Variants in AGO3 observed in about 807,000 individuals in gnomAD.
AGO3 encodes the protein argonaute RISC catalytic component 3.
AGO3 carries 16 observed loss-of-function variants against 105.5 expected under a neutral mutation model. The observed-to-expected ratio is 0.15, with a 90% confidence interval of 0.10 to 0.23. AGO3 has a LOEUF of 0.23. AGO3 is among the 10% of genes least tolerant of loss of function. AGO3 has a pLI of 1.00. For missense variants in AGO3, 534 were observed against 1,088.0 expected, an observed-to-expected ratio of 0.49 and a Z score of 7.16; for synonymous variants, 340 against 367.3, an observed-to-expected ratio of 0.93 and a Z score of 0.85.
rs930504027 is a variant in AGO3 at position 36,008,927 on chromosome 1, T to C, written c.912T>C (p.Thr304=). 8 of 1,613,742 alleles carry C rather than the reference T, an allele frequency of 5.0e-6. No homozygotes were observed. The highest frequency in any genetic ancestry group is 5.9e-6 in the Non-Finnish European group (7 of 1,180,030). ...CTTTACAGTTAGAAAACGGCCAAACTGTGGAGAGAACAGTAGCGCAGTATT... is the reference window on the plus strand; with the variant it reads ...CTTTACAGTTAGAAAACGGCCAAACCGTGGAGAGAACAGTAGCGCAGTATT... ...TFPLQLENGQ[T]VERTVAQYFR... is the part of the protein sequence containing the mutation. Residue 304 remains threonine, a synonymous_variant, in exon 8 of 19, where the codon ACT becomes ACC. Transcript: ENST00000373191. The surrounding 1 kb of genome is among the most constrained non-coding windows in gnomAD (Gnocchi z 5.1).
Position 36,027,384 on chromosome 1 carries a change from T to C in AGO3, c.1591+86T>C. The C allele has an allele frequency of 8.4e-7, 1 of 1,195,906 alleles. No homozygotes were observed. The highest frequency in any genetic ancestry group is 1.1e-6 in the Non-Finnish European group (1 of 883,900). The allele number at this position is 1,195,906 out of a possible 1,614,324, so 74.1% of individuals were successfully genotyped here. ...TGAAACATATCCTAAAACTTTCAAA[T>C]ATTAAAATATATTTTATGATACAGT... is the stretch of plus-strand genomic sequence containing the variant. On this transcript the variant is annotated intron_variant, in intron 12 of 18. Transcript: ENST00000373191. This position sits in a 1 kb window ranked among gnomAD's most constrained non-coding sequence, Gnocchi z 4.0.
At chr1:36,054,424 C>T (rs1642846522) in intron 17 of AGO3, among the ~76,000 whole-genome samples, 1 of 152,028 alleles carries the variant, frequency 6.6e-6, no homozygotes, top group Non-Finnish European at 1.5e-5. Flanking sequence ...AGGTGCATGC[C>T]ACCACATCTG....
intron 11 of AGO3, among the ~76,000 whole-genome samples, chr1:36,024,045 A>G (rs1012888548): frequency 2.0e-5 from 3 of 151,748 alleles, no homozygotes; most frequent in Non-Finnish European, 4.4e-5. Context: ...CTCTGCTAAA[A>G]CTGGTTCCTG....
At chr1:35,979,843 A>G (rs759460883) in intron 5 of AGO3, among the ~76,000 whole-genome samples, 7 of 151,986 alleles carry the variant, frequency 4.6e-5, no homozygotes, top group Non-Finnish European at 1.0e-4. Flanking sequence ...TATCTTGATG[A>G]CAGCATAGAA....
At position 36,043,295 on chromosome 1, in the gene AGO3, G is replaced by A. The variant is rs192349457; in HGVS notation, c.2173-152G>A. 117 of 634,816 alleles carry A rather than the reference G, an allele frequency of 1.8e-4. 1 individual carries two copies. Among genetic ancestry groups the A allele is most frequent in the Non-Finnish European group, 2.9e-4 (103 of 360,322 alleles). The allele number at this position is 634,816 out of a possible 1,614,324, so 39.3% of individuals were successfully genotyped here. A position where few individuals can be genotyped will look rare whatever the true frequency, so the allele number is the denominator to read the frequency against. ...TGTAAGAATAGGAACTAGGACCTGCGTAGTCTGCTCTGAATGACTGCTTAA... is the reference window on the plus strand; with the variant it reads ...TGTAAGAATAGGAACTAGGACCTGCATAGTCTGCTCTGAATGACTGCTTAA... On this transcript the variant is annotated intron_variant, in intron 16 of 18. Transcript: ENST00000373191.
At chr1:35,985,111 A>G (rs1047850850) in intron 5 of AGO3, among the ~76,000 whole-genome samples, 1 of 151,954 alleles carries the variant, frequency 6.6e-6, no homozygotes, top group African/African-American at 2.4e-5. Flanking sequence ...GTGAAACCCT[A>G]TTGCTAAAAA....
intron 5 of AGO3, among the ~76,000 whole-genome samples, chr1:35,987,723 C>T (rs1647253799): frequency 6.7e-6 from 1 of 149,076 alleles, no homozygotes; most frequent in African/African-American, 2.5e-5. Context: ...TTTATGTGAG[C>T]AAAGTATAAC....
chr1:35,967,064 G>T lies in AGO3; in HGVS notation c.301G>T (p.Ala101Ser), dbSNP rs376214314. Residue 101 changes from alanine (A) to serine (S), a missense_variant, in exon 3 of 19, where the codon GCA becomes TCA. Transcript: ENST00000373191. The part of the protein sequence containing the change: ...SLYTANPLPV[A>S]TTGVDLDVTL... ...TTACACCGCCAATCCACTTCCTGTG[G>T]CAACTACAGGGGTAAGATATGCATT... The T allele has an allele frequency of 9.3e-6, 15 of 1,612,916 alleles. No homozygotes were observed. Among genetic ancestry groups the T allele is most frequent in the Non-Finnish European group, 1.3e-5 (15 of 1,179,708 alleles).
chr1:35,967,187 T>C (rs1042431624), intron 3 of AGO3, 112 bp downstream of exon 3: 1 of 1,327,472 alleles, frequency 7.5e-7, no homozygotes, highest in African/African-American at 1.5e-5. Context: ...TTATCACTGA[T>C]TGTTTTTAAC....
chr1:36,014,567 C>G (rs1483263430), intron 11 of AGO3, among the ~76,000 whole-genome samples: 2 of 151,380 alleles, frequency 1.3e-5, no homozygotes, highest in African/African-American at 2.4e-5. Context: ...GTCAGGAGAT[C>G]GAGACCATCC....
At chr1:35,950,659 A>G (rs1646454469) in intron 2 of AGO3, among the ~76,000 whole-genome samples, 1 of 152,174 alleles carries the variant, frequency 6.6e-6, no homozygotes, top group South Asian at 2.1e-4. Flanking sequence ...AGTATATTTC[A>G]AATGTTACTA....
intron 17 of AGO3, among the ~76,000 whole-genome samples, chr1:36,049,164 A>C (rs1405766980): frequency 1.3e-5 from 2 of 152,236 alleles, no homozygotes; most frequent in Admixed American, 1.3e-4. Flanking sequence ...ACACATGGAC[A>C]TAACATGGGA....
At chr1:35,989,644 G>T (rs774976245) in intron 5 of AGO3, among the ~76,000 whole-genome samples, 8 of 152,130 alleles carry the variant, frequency 5.3e-5, no homozygotes, top group Non-Finnish European at 1.2e-4. Context: ...GGAGGTTGAG[G>T]TGGGTGTATT....
chr1:35,942,572 T>G (rs1646275056), intron 1 of AGO3, among the ~76,000 whole-genome samples: 2 of 152,200 alleles, frequency 1.3e-5, no homozygotes, highest in Admixed American at 6.5e-5. Flanking sequence ...TTAATTTATT[T>G]GGAGGACTTT....
chr1:36,017,712 AG>A (rs1425693164), intron 11 of AGO3, among the ~76,000 whole-genome samples: 3 of 152,030 alleles, frequency 2.0e-5, no homozygotes, highest in African/African-American at 7.2e-5. Flanking sequence ...AGACCAGCCT[AG>A]GCAACATGGC....
chr1:35,951,338 A>G (rs1646467294), intron 2 of AGO3, among the ~76,000 whole-genome samples: 1 of 152,258 alleles, frequency 6.6e-6, no homozygotes, highest in Non-Finnish European at 1.5e-5. Context: ...GATGATTAAT[A>G]ACATGCCAAA....
In AGO3 at chr1:36,069,405, G is replaced by A. The variant is rs1234570903; in HGVS notation, c.*13660G>A. The A allele has an allele frequency of 6.6e-6, 1 of 152,132 alleles. No homozygotes were observed. The highest frequency in any genetic ancestry group is 1.5e-5 in the Non-Finnish European group (1 of 68,030). 9.4% of individuals were successfully genotyped at this position (152,132 alleles called of 1,614,324 possible). A position where few individuals can be genotyped will look rare whatever the true frequency, so the allele number is the denominator to read the frequency against. On this transcript the variant is annotated 3_prime_UTR_variant, in exon 19 of 19. Coordinates refer to ENST00000373191, the MANE Select transcript of AGO3 (RefSeq NM_024852.4). ...AGGCATGATCACTAAATTGTTGTAA[G>A]AATAAGATAATGTTTGCGGAAGCAT...
Position 36,055,563 on chromosome 1 carries a change from C to T in AGO3, c.2475-74C>T. The stretch of plus-strand genomic sequence containing the variant: ...TTAATAATTTTGAAATTTTCTACAA[C>T]AAATAGTATTTTTCGGAATTATTAC... On this transcript the variant is annotated intron_variant, in intron 18 of 18. Coordinates refer to ENST00000373191, the MANE Select transcript of AGO3 (RefSeq NM_024852.4). The surrounding 1 kb of genome is among the most constrained non-coding windows in gnomAD (Gnocchi z 4.4). 7.2e-7 allele frequency: 1 copy of T among 1,383,062 alleles called. No homozygotes were observed. 85.7% of individuals were successfully genotyped at this position (1,383,062 alleles called of 1,614,324 possible).
intron 4 of AGO3, 137 bp from the exon 5 acceptor site, chr1:35,973,238 T>G (rs1646899905): frequency 1.0e-6 from 1 of 997,896 alleles, no homozygotes; most frequent in South Asian, 4.4e-5. Flanking sequence ...CTTTCTCAAA[T>G]TTGGAACATG....
Sources: allele counts gnomAD v4.1 joint callset (sites outside exome capture counted in the v4.1 genomes callset), GRCh38; gene constraint gnomAD v4.1.1; non-coding constraint Gnocchi (gnomAD v3.1); transcripts MANE v1.5; gene names NCBI Gene and HGNC (gene_info 2026-07-23, HGNC 2026-07-21).